The following PRKCQ variants were observed in gnomAD, a reference collection of about 807,000 sequenced individuals.
PRKCQ encodes the protein protein kinase C theta.
A neutral mutation model predicts 91.2 loss-of-function variants in PRKCQ; 41 were observed. The ratio of observed to expected loss-of-function variants is 0.45; its 90% CI spans 0.35 to 0.58. The LOEUF (loss-of-function observed/expected upper bound fraction) is 0.58. PRKCQ is among the 20% of genes least tolerant of loss of function. The pLI is 0.00. For synonymous variants in PRKCQ, 307 were observed against 316.9 expected (o/e 0.97, Z 0.33); for missense variants, 673 against 896.5 (o/e 0.75, Z 3.18).
intron 1 of PRKCQ, among the ~76,000 whole-genome samples, chr10:6,531,556 C>G (rs1335780602): frequency 6.6e-6 from 1 of 151,412 alleles, no homozygotes; most frequent in African/African-American, 2.4e-5. Context: ...GAATATCTCC[C>G]CAACCCATTC....
At chr10:6,577,832 T>C (rs556417979) in intron 1 of PRKCQ, among the ~76,000 whole-genome samples, 2 of 152,288 alleles carry the variant, frequency 1.3e-5, no homozygotes, top group South Asian at 4.1e-4. Flanking sequence ...AAATATACCA[T>C]AATTAAATAA....
intron 1 of PRKCQ, among the ~76,000 whole-genome samples, chr10:6,528,072 G>A (rs558842625): frequency 2.0e-5 from 3 of 152,068 alleles, no homozygotes; most frequent in South Asian, 2.1e-4. Context: ...TTTGGTAAGC[G>A]CTAATTAGAG....
At chr10:6,579,804 G>T (rs1431992760) in intron 1 of PRKCQ, among the ~76,000 whole-genome samples, 2 of 150,186 alleles carry the variant, frequency 1.3e-5, no homozygotes, top group African/African-American at 4.9e-5. Context: ...CTGTGGACAG[G>T]ATACCATCTC....
chr10:6,560,092 T>C (rs779080277), intron 1 of PRKCQ, among the ~76,000 whole-genome samples: 1 of 152,218 alleles, frequency 6.6e-6, no homozygotes, highest in Non-Finnish European at 1.5e-5. Context: ...TGTTAGGTGT[T>C]TGATCAGTCA....
At chr10:6,408,127 T>A in the PRKCQ span, among the ~76,000 whole-genome samples, 1 of 150,904 alleles carries the variant, frequency 6.6e-6, no homozygotes, top group Admixed American at 6.6e-5. Flanking sequence ...GATTCACTGA[T>A]GTCTTTTAAG....
At position 6,437,744 on chromosome 10, in the gene PRKCQ, C is replaced by T. The variant is rs562749499; in HGVS notation, c.1836+4149G>A. On this transcript the variant is annotated intron_variant, in intron 16 of 17. Transcript: ENST00000263125. ...TCGGTTCACTACAAGCTCCGCCTCC[C>T]GGGTTCACACCATTTTCCTGCCTCA... Among the ~76,000 whole-genome samples the T allele has an allele frequency of 1.1e-3, 172 of 151,534 alleles. 1 individual carries two copies. In the Middle Eastern group the frequency reaches 0.038, roughly 33 times the overall value.
At chr10:6,553,418 AG>A (rs1443479413) in intron 1 of PRKCQ, among the ~76,000 whole-genome samples, 9 of 148,452 alleles carry the variant, frequency 6.1e-5, no homozygotes, top group African/African-American at 2.3e-4. Context: ...TGAGCCCTGG[AG>A]GTGGAGGTTG....
intron 4 of PRKCQ, among the ~76,000 whole-genome samples, chr10:6,501,198 A>G (rs1470336142): frequency 6.6e-6 from 1 of 152,172 alleles, no homozygotes; most frequent in Non-Finnish European, 1.5e-5. Flanking sequence ...AGTAGAAGGG[A>G]AGAAAAAGAA....
At chr10:6,394,102 G>A in the PRKCQ span, among the ~76,000 whole-genome samples, 21 of 152,296 alleles carry the variant, frequency 1.4e-4, no homozygotes, top group African/African-American at 4.6e-4. Context: ...CATGTGAAAA[G>A]GAAGCTGCTA....
At chr10:6,444,254 A>G (rs1022371394) in intron 15 of PRKCQ, among the ~76,000 whole-genome samples, 2 of 152,092 alleles carry the variant, frequency 1.3e-5, no homozygotes, top group East Asian at 1.9e-4. Flanking sequence ...TATTTTTGGT[A>G]GAGACAGGGT....
chr10:6,511,873 C>T (rs1254362955), intron 2 of PRKCQ, among the ~76,000 whole-genome samples: 2 of 152,100 alleles, frequency 1.3e-5, no homozygotes, highest in Non-Finnish European at 2.9e-5. Context: ...CAGCCAAAAA[C>T]AACTGTCTAT....
chr10:6,539,740 T>C (rs767586420), intron 1 of PRKCQ, among the ~76,000 whole-genome samples: 11 of 152,138 alleles, frequency 7.2e-5, no homozygotes, highest in Non-Finnish European at 1.5e-4. Context: ...GCCAAAAAGG[T>C]TAGGGACCGC....
At chr10:6,442,534 AG>A (rs1347167272) in intron 15 of PRKCQ, among the ~76,000 whole-genome samples, 3 of 152,202 alleles carry the variant, frequency 2.0e-5, no homozygotes, top group African/African-American at 7.2e-5. Flanking sequence ...GCATCCAAAG[AG>A]GTCATCTGGA....
At chr10:6,475,956 G>A (rs182209629) in intron 12 of PRKCQ, among the ~76,000 whole-genome samples, 156 of 151,752 alleles carry the variant, frequency 1.0e-3, no homozygotes, top group African/African-American at 3.6e-3. Context: ...CTCTGCTGAA[G>A]TTTTTTTTTC....
chr10:6,472,901 C>CA (rs1362785525), intron 12 of PRKCQ, among the ~76,000 whole-genome samples: 2 of 152,094 alleles, frequency 1.3e-5, no homozygotes, highest in Non-Finnish European at 2.9e-5. Context: ...TTAGTGGAGA[C>CA]AGAGTTTCGC....
intron 1 of PRKCQ, among the ~76,000 whole-genome samples, chr10:6,531,210 T>C (rs960883920): frequency 2.0e-5 from 3 of 151,820 alleles, no homozygotes; most frequent in East Asian, 1.9e-4. Flanking sequence ...CGGATGCATA[T>C]TGAAGTTCGC....
chr10:6,416,487 C>T, the PRKCQ span, among the ~76,000 whole-genome samples: 1 of 152,148 alleles, frequency 6.6e-6, no homozygotes, highest in Non-Finnish European at 1.5e-5. Flanking sequence ...TCCTGAGTTA[C>T]TTCACTTATA....
intron 1 of PRKCQ, among the ~76,000 whole-genome samples, chr10:6,537,367 C>T (rs1320318631): frequency 6.6e-6 from 1 of 152,180 alleles, no homozygotes; most frequent in African/African-American, 2.4e-5. Flanking sequence ...TTTAATGCCA[C>T]CATCTTGTGA....
Position 6,510,970 on chromosome 10 carries a change from G to T in PRKCQ, c.318+25C>A, listed in dbSNP as rs775410483. On this transcript the variant is annotated intron_variant, in intron 3 of 17. Transcript: ENST00000263125. Reference sequence around the variant, plus strand: ...GGCTACCATCATGCTTATCCCTTATGTGCATACACTTTATGCAACGTTACC... The same window carrying T: ...GGCTACCATCATGCTTATCCCTTATTTGCATACACTTTATGCAACGTTACC... The T allele has an allele frequency of 1.5e-5, 24 of 1,611,114 alleles. No homozygotes were observed. The South Asian group carries it at 2.6e-4, about 18-fold the overall frequency.
Sources: gnomAD v4.1 joint callset for allele counts (sites outside exome capture counted in the v4.1 genomes callset) on GRCh38, gnomAD v4.1.1 for gene constraint, MANE v1.5 for transcripts, NCBI Gene and HGNC (gene_info 2026-07-23, HGNC 2026-07-21) for gene names.